The following CACHD1 variants were observed in gnomAD, a reference collection of about 807,000 sequenced individuals.
CACHD1 encodes the protein VWFA and cache domain-containing protein 1.
In CACHD1, 71 loss-of-function variants were observed where a neutral mutation model predicts 138.7. The ratio of observed to expected loss-of-function variants is 0.51; its 90% CI spans 0.42 to 0.62. The LOEUF is 0.62. Ranked by LOEUF, CACHD1 falls within the 20% of genes least tolerant of loss-of-function variation. CACHD1 has a pLI of 0.00. For synonymous variants in CACHD1, 578 were observed against 591.5 expected (o/e 0.98, Z 0.33); for missense variants, 1,389 against 1,625.3 (o/e 0.85, Z 2.50).
intron 3 of CACHD1, among the ~76,000 whole-genome samples, chr1:64,589,474 G>A (rs1024642930): frequency 1.3e-5 from 2 of 151,490 alleles, no homozygotes; most frequent in South Asian, 2.1e-4. Flanking sequence ...AACCAATAGC[G>A]TGTGTGTGTG....
At chr1:64,486,074 G>A (rs1322831193) in intron 1 of CACHD1, among the ~76,000 whole-genome samples, 1 of 152,016 alleles carries the variant, frequency 6.6e-6, no homozygotes, top group East Asian at 1.9e-4. Flanking sequence ...GTGTGAAATG[G>A]TATCTCATTG....
intron 4 of CACHD1, among the ~76,000 whole-genome samples, chr1:64,627,504 G>A (rs1313773750): frequency 1.3e-5 from 2 of 152,100 alleles, no homozygotes; most frequent in Admixed American, 1.3e-4. Flanking sequence ...GTGCCAAGGA[G>A]ACAGAGTAGA....
At chr1:64,493,554 A>G (rs1165960656) in intron 1 of CACHD1, among the ~76,000 whole-genome samples, 1 of 152,212 alleles carries the variant, frequency 6.6e-6, no homozygotes, top group Non-Finnish European at 1.5e-5. Flanking sequence ...AGAGGAAGGA[A>G]TATTTTTGCA....
At chr1:64,655,843 A>T (rs1649244046) in intron 12 of CACHD1, among the ~76,000 whole-genome samples, 1 of 152,248 alleles carries the variant, frequency 6.6e-6, no homozygotes, top group African/African-American at 2.4e-5. Context: ...CATAAAATGC[A>T]GTCATACATG....
Position 64,652,790 on chromosome 1 carries a change from T to C in CACHD1, c.1540+480T>C, listed in dbSNP as rs531864988. ...AGAAAAGGGTACACTTGAATACTCT[T>C]AGTGGGAATGTAAATTAGGTCAGCC... On this transcript the variant is annotated intron_variant, in intron 10 of 26. Coordinates refer to ENST00000651257, the MANE Select transcript of CACHD1 (RefSeq NM_020925.4). 7.2e-5 allele frequency among the ~76,000 whole-genome samples: 11 copies of C among 152,276 alleles called. 1 individual carries two copies. In the South Asian group the frequency reaches 2.3e-3, roughly 32 times the overall value.
chr1:64,534,975 A>G (rs148747765), intron 1 of CACHD1, among the ~76,000 whole-genome samples: 161 of 152,344 alleles, frequency 1.1e-3, no homozygotes, highest in African/African-American at 3.8e-3. Context: ...GCATTCTGCC[A>G]AGCCTTAGTT....
Position 64,668,647 on chromosome 1 carries a change from T to C in CACHD1, c.2387+2480T>C, listed in dbSNP as rs550184437. ...GGCAGTTGAAGTCCTGGGTTCTGCC[T>C]CCTGAGTCACTCAGTGAGTGTATAT... On this transcript the variant is annotated intron_variant, in intron 16 of 26. Coordinates refer to ENST00000651257, the MANE Select transcript of CACHD1 (RefSeq NM_020925.4). 4.5e-4 allele frequency among the ~76,000 whole-genome samples: 68 copies of C among 152,338 alleles called. No individual in the cohort carries two copies. The South Asian group carries it at 0.014, about 31-fold the overall frequency.
At chr1:64,620,106 A>G (rs1449265466) in intron 4 of CACHD1, among the ~76,000 whole-genome samples, 1 of 152,168 alleles carries the variant, frequency 6.6e-6, no homozygotes, top group Non-Finnish European at 1.5e-5. Flanking sequence ...GAGAAGGAGA[A>G]GTGGGCTGGC....
chr1:64,599,218 C>T (rs532160923), intron 3 of CACHD1, among the ~76,000 whole-genome samples: 16 of 151,544 alleles, frequency 1.1e-4, no homozygotes, highest in Non-Finnish European at 2.2e-4. Context: ...TCCAAATGGA[C>T]GAAGACAATT....
intron 3 of CACHD1, among the ~76,000 whole-genome samples, chr1:64,598,593 A>G (rs1647180131): frequency 6.6e-6 from 1 of 152,082 alleles, no homozygotes; most frequent in Non-Finnish European, 1.5e-5. Context: ...CCATTGGGGG[A>G]AGCTAAAATT....
intron 9 of CACHD1, among the ~76,000 whole-genome samples, chr1:64,650,820 A>G (rs1649063906): frequency 6.6e-6 from 1 of 152,140 alleles, no homozygotes. Context: ...AAGATAAACA[A>G]TCCATCTTTT....
intron 4 of CACHD1, among the ~76,000 whole-genome samples, chr1:64,604,967 CTTTG>C (rs754632990): frequency 1.5e-5 from 2 of 129,668 alleles, no homozygotes; most frequent in Non-Finnish European, 3.2e-5. Context: ...TCTTTTTTTT[CTTTG>C]TTTTTTTTTT....
intron 1 of CACHD1, among the ~76,000 whole-genome samples, chr1:64,502,224 TG>T (rs1293972127): frequency 6.6e-6 from 1 of 152,258 alleles, no homozygotes; most frequent in African/African-American, 2.4e-5. Flanking sequence ...GAACTTATCC[TG>T]TAATGTACAC....
chr1:64,530,819 C>T (rs1441710174), intron 1 of CACHD1, among the ~76,000 whole-genome samples: 3 of 149,166 alleles, frequency 2.0e-5, no homozygotes, highest in South Asian at 4.2e-4. Flanking sequence ...TGCAGTGAGC[C>T]GAGATGGCAC....
intron 1 of CACHD1, among the ~76,000 whole-genome samples, chr1:64,494,581 C>T (rs1646295976): frequency 6.6e-6 from 1 of 152,158 alleles, no homozygotes; most frequent in Non-Finnish European, 1.5e-5. Context: ...TAGAATTTAA[C>T]CATGTAGTAG....
intron 22 of CACHD1, among the ~76,000 whole-genome samples, chr1:64,677,349 T>C (rs550723843): frequency 1.3e-5 from 2 of 152,318 alleles, no homozygotes; most frequent in South Asian, 4.1e-4. Flanking sequence ...GAAGCTCATT[T>C]ATTTTCCTTT....
chr1:64,475,738 C>T (rs1411161683), intron 1 of CACHD1, among the ~76,000 whole-genome samples: 3 of 151,868 alleles, frequency 2.0e-5, no homozygotes, highest in East Asian at 1.9e-4. Context: ...TTAGTAGAGA[C>T]GGGGTTTCAC....
intron 1 of CACHD1, among the ~76,000 whole-genome samples, chr1:64,527,253 A>G (rs1646548121): frequency 6.6e-6 from 1 of 152,212 alleles, no homozygotes; most frequent in Non-Finnish European, 1.5e-5. Context: ...GGATCCATCA[A>G]GGACACCCCA....
chr1:64,564,924 G>A lies in CACHD1; in HGVS notation c.261+14268G>A, dbSNP rs1206409451. Among the ~76,000 whole-genome samples, 12 of 152,054 alleles carry A rather than the reference G, an allele frequency of 7.9e-5. No homozygotes were observed. In the East Asian group the frequency reaches 2.3e-3, roughly 29 times the overall value. On this transcript the variant is annotated intron_variant, in intron 2 of 26. Transcript: ENST00000651257. ...GAGCCACAGGAAGAAAAGGGACAAT[G>A]GTTAGACAAGAGCGGGTACAGAAGA... is the stretch of plus-strand genomic sequence containing the variant.
Sources: gnomAD v4.1 joint callset for allele counts (sites outside exome capture counted in the v4.1 genomes callset) on GRCh38, gnomAD v4.1.1 for gene constraint, MANE v1.5 for transcripts, NCBI Gene and HGNC (gene_info 2026-07-23, HGNC 2026-07-21) for gene names.